VTI1A: variants seen among roughly 807,000 people sequenced by gnomAD.
VTI1A encodes the protein vesicle transport through interaction with t-SNAREs homolog 1A.
VTI1A carries 22 observed loss-of-function variants against 34.9 expected under a neutral mutation model. The observed-to-expected ratio is 0.63, with a 90% CI of 0.45 to 0.90. The LOEUF (loss-of-function observed/expected upper bound fraction) is 0.90, where lower values mean the gene tolerates loss of function less well. VTI1A is among the 40% of genes least tolerant of loss of function. VTI1A has a pLI of 0.00. For missense variants in VTI1A, 268 were observed against 275.6 expected (o/e 0.97, Z 0.20); for synonymous variants, 87 against 97.3 (o/e 0.89, Z 0.62).
chr10:112,638,298 G>A (rs1044731441), intron 5 of VTI1A, among the ~76,000 whole-genome samples: 3 of 152,182 alleles, frequency 2.0e-5, no homozygotes, highest in African/African-American at 7.2e-5. Context: ...AACATTGAGA[G>A]CCCCAGGGAT....
chr10:112,583,219 G>A (rs949326921), intron 5 of VTI1A, among the ~76,000 whole-genome samples: 1 of 152,152 alleles, frequency 6.6e-6, no homozygotes, highest in African/African-American at 2.4e-5. Context: ...AACAGCAGAG[G>A]ATTTGTATGG....
chr10:112,521,413 TG>T (rs1726434205), intron 3 of VTI1A, among the ~76,000 whole-genome samples: 1 of 152,062 alleles, frequency 6.6e-6, no homozygotes, highest in Non-Finnish European at 1.5e-5. Context: ...CTTTCAGCCA[TG>T]TATGCCTACT....
intron 7 of VTI1A, among the ~76,000 whole-genome samples, chr10:112,774,740 A>T (rs954363817): frequency 1.3e-5 from 2 of 152,186 alleles, no homozygotes; most frequent in East Asian, 3.9e-4. Context: ...AACTCTTATT[A>T]CCTGGAAACC....
At chr10:112,734,892 A>C (rs1455233821) in intron 7 of VTI1A, among the ~76,000 whole-genome samples, 1 of 151,982 alleles carries the variant, frequency 6.6e-6, no homozygotes, top group Non-Finnish European at 1.5e-5. Flanking sequence ...TCGGCCTCCC[A>C]AAGTGCTGGG....
intron 5 of VTI1A, among the ~76,000 whole-genome samples, chr10:112,575,427 T>C (rs1434779530): frequency 1.3e-5 from 2 of 152,236 alleles, no homozygotes; most frequent in African/African-American, 2.4e-5. Flanking sequence ...ATCACTGATA[T>C]TTATCCTCTC....
At chr10:112,687,472 A>G (rs1165945883) in intron 7 of VTI1A, among the ~76,000 whole-genome samples, 2 of 151,558 alleles carry the variant, frequency 1.3e-5, no homozygotes, top group Admixed American at 1.3e-4. Flanking sequence ...TGACCTCGTG[A>G]TCTGCCCGCC....
chr10:112,854,852 TCTTC>T, the VTI1A span, among the ~76,000 whole-genome samples: 7 of 152,168 alleles, frequency 4.6e-5, no homozygotes, highest in Admixed American at 4.6e-4. Flanking sequence ...TGCACTCCCG[TCTTC>T]CTTCCTGCAG....
At chr10:112,824,883 C>T in the VTI1A span, 1 of 152,196 alleles carries the variant, frequency 6.6e-6, no homozygotes, top group Non-Finnish European at 1.5e-5. Context: ...GCAAAGGGAA[C>T]CTTCCCAACA....
intron 7 of VTI1A, among the ~76,000 whole-genome samples, chr10:112,695,808 C>T (rs373890128): frequency 4.6e-5 from 7 of 152,284 alleles, no homozygotes; most frequent in African/African-American, 7.2e-5. Flanking sequence ...AGGCTTTTTA[C>T]GCCACACGTG....
intron 5 of VTI1A, chr10:112,548,908 C>T (rs1193164210): frequency 6.0e-6 from 6 of 995,934 alleles, no homozygotes; most frequent in East Asian, 5.2e-5. Flanking sequence ...AGTTTCTTCA[C>T]ATCCACTGAC....
At chr10:112,474,458 C>CTTTTT (rs35475815) in intron 3 of VTI1A, among the ~76,000 whole-genome samples, 25 of 142,060 alleles carry the variant, frequency 1.8e-4, no homozygotes, top group African/African-American at 6.4e-4. Flanking sequence ...TCATTCTTTC[C>CTTTTT]TTTTTTTTTT....
At chr10:112,498,262 A>G (rs1468904463) in intron 3 of VTI1A, among the ~76,000 whole-genome samples, 1 of 152,220 alleles carries the variant, frequency 6.6e-6, no homozygotes, top group Non-Finnish European at 1.5e-5. Flanking sequence ...TAAGGGGATA[A>G]GGTTAAGTTA....
intron 5 of VTI1A, among the ~76,000 whole-genome samples, chr10:112,576,256 G>T (rs111783428): frequency 1.3e-5 from 2 of 151,244 alleles, no homozygotes. Flanking sequence ...TCCTGACCTC[G>T]TGATCCGCCC....
chr10:112,833,971 A>G, the VTI1A span, among the ~76,000 whole-genome samples: 1 of 152,202 alleles, frequency 6.6e-6, no homozygotes, highest in South Asian at 2.1e-4. Flanking sequence ...GAGGTGGCAG[A>G]GGCTCAGGAC....
intron 7 of VTI1A, among the ~76,000 whole-genome samples, chr10:112,729,995 G>A (rs1247856843): frequency 1.3e-5 from 2 of 152,118 alleles, no homozygotes; most frequent in Non-Finnish European, 2.9e-5. Context: ...CCAACATCAG[G>A]ACCTCTCTCC....
chr10:112,595,382 A>G (rs1260016586), intron 5 of VTI1A, among the ~76,000 whole-genome samples: 2 of 150,894 alleles, frequency 1.3e-5, no homozygotes, highest in East Asian at 3.9e-4. Context: ...GCAACCTACA[A>G]AATGGGAGAA....
intron 5 of VTI1A, chr10:112,538,554 A>G: frequency 2.2e-6 from 1 of 450,946 alleles, no homozygotes. Context: ...ATACATCTGA[A>G]AAGAGATGGA....
chr10:112,649,433 T>C (rs1846925889), intron 5 of VTI1A, among the ~76,000 whole-genome samples: 1 of 152,218 alleles, frequency 6.6e-6, no homozygotes, highest in African/African-American at 2.4e-5. Context: ...ATAATATCAA[T>C]CTAGTGCCTA....
chr10:112,785,852 C>T (rs954489000), intron 7 of VTI1A, among the ~76,000 whole-genome samples: 1 of 152,134 alleles, frequency 6.6e-6, no homozygotes, highest in African/African-American at 2.4e-5. Flanking sequence ...CAGACTACAC[C>T]GTCTTGATTA....
Sources: gnomAD v4.1 joint callset for allele counts (sites outside exome capture counted in the v4.1 genomes callset) on GRCh38, gnomAD v4.1.1 for gene constraint, MANE v1.5 for transcripts, NCBI Gene and HGNC (gene_info 2026-07-23, HGNC 2026-07-21) for gene names.